The following TRABD2B variants were observed in gnomAD, a reference collection of about 807,000 sequenced individuals.
TRABD2B encodes the protein TraB domain containing 2B, also known as metalloprotease TIKI2.
Under a neutral mutation model 40.1 loss-of-function variants are expected in TRABD2B, and 14 were observed. That is an observed-to-expected ratio of 0.35 (90% CI 0.23 to 0.55). The LOEUF (loss-of-function observed/expected upper bound fraction) is 0.55. TRABD2B is among the 20% of genes least tolerant of loss of function. The pLI is 0.90. For synonymous variants in TRABD2B, 263 were observed against 277.0 expected (o/e 0.95, Z 0.50); for missense variants, 541 against 648.6 (o/e 0.83, Z 1.80).
chr1:47,994,011 G>A lies in TRABD2B; in HGVS notation c.666+23C>T, dbSNP rs1250797588. ...CCAGGTACCCAGGGCTGTCAGCTCC[G>A]GGCTGGGGCACTGCATGCCTACCTG... On this transcript the variant is annotated intron_variant, in intron 2 of 6. Transcript: ENST00000606738. This position sits in a 1 kb window ranked among gnomAD's most constrained non-coding sequence, Gnocchi z 6.7. 26 of 1,524,146 alleles carry A rather than the reference G, an allele frequency of 1.7e-5. No individual in the cohort carries two copies. Among genetic ancestry groups the A allele is most frequent in the African/African-American group, 2.7e-5 (2 of 72,848 alleles). The allele number at this position is 1,524,146 out of a possible 1,614,324, so 94.4% of individuals were successfully genotyped here.
At chr1:47,902,445 A>T (rs2124682499) in intron 2 of TRABD2B, among the ~76,000 whole-genome samples, 1 of 152,302 alleles carries the variant, frequency 6.6e-6, no homozygotes, top group South Asian at 2.1e-4. Context: ...TTTAGGATCC[A>T]CAGTGGCTCT....
chr1:47,844,280 G>A (rs74516421), intron 2 of TRABD2B, among the ~76,000 whole-genome samples: 2,424 of 152,256 alleles, frequency 0.016, 30 homozygotes, highest in Non-Finnish European at 0.023. Context: ...CACAAGAGTC[G>A]TGTGTGTCCA....
At chr1:47,769,890 G>A (rs1019121316) in intron 6 of TRABD2B, among the ~76,000 whole-genome samples, 16 of 152,140 alleles carry the variant, frequency 1.1e-4, no homozygotes, top group African/African-American at 2.9e-4. Context: ...AACAGGAACA[G>A]ACCCGTGGAC....
chr1:47,845,828 A>C (rs1222130065), intron 2 of TRABD2B, among the ~76,000 whole-genome samples: 1 of 152,232 alleles, frequency 6.6e-6, no homozygotes, highest in Admixed American at 6.5e-5. Flanking sequence ...GTCCTCATTG[A>C]ACTGTGGGCT....
rs1644236269 is a variant in TRABD2B, at chr1:47,760,805, A to G, written c.*5097T>C. 6.6e-6 allele frequency: 1 copy of G among 152,198 alleles called. No homozygotes were observed. Among genetic ancestry groups the G allele is most frequent in the Non-Finnish European group, 1.5e-5 (1 of 68,040 alleles). The allele number at this position is 152,198 out of a possible 1,614,324, so 9.4% of individuals were successfully genotyped here. A position where few individuals can be genotyped will look rare whatever the true frequency, so the allele number is the denominator to read the frequency against. On this transcript the variant is annotated 3_prime_UTR_variant, in exon 7 of 7. Transcript: ENST00000606738. ...GCTCTGGCTTCCTCTGTTCTGGGCT[A>G]GAGCCTCCTTTGGCTGAATCAGCCC...
intron 2 of TRABD2B, among the ~76,000 whole-genome samples, chr1:47,912,472 T>C (rs1410128485): frequency 6.6e-6 from 1 of 152,132 alleles, no homozygotes; most frequent in East Asian, 1.9e-4. Flanking sequence ...CGTCTTTTGG[T>C]TTTGGTTTGT....
At chr1:47,888,790 G>A (rs1039310632) in intron 2 of TRABD2B, among the ~76,000 whole-genome samples, 5 of 152,092 alleles carry the variant, frequency 3.3e-5, no homozygotes, top group East Asian at 1.9e-4. Context: ...CCCTTCCCAC[G>A]GACGCTGACT....
At chr1:47,781,267 C>A (rs1644517965) in intron 4 of TRABD2B, among the ~76,000 whole-genome samples, 1 of 152,240 alleles carries the variant, frequency 6.6e-6, no homozygotes, top group African/African-American at 2.4e-5. Context: ...GGCCTCCCAG[C>A]CCAACAGCGG....
chr1:47,863,375 T>TATATATATATATATATATATATATATAG (rs1229594168), intron 2 of TRABD2B, among the ~76,000 whole-genome samples: 1 of 103,708 alleles, frequency 9.6e-6, no homozygotes, highest in Non-Finnish European at 1.8e-5. Context: ...TATAATTTTA[T>TATATATATATATATATATATATATATAG]ATATATATAT....
chr1:47,888,864 G>A (rs1644407689), intron 2 of TRABD2B, among the ~76,000 whole-genome samples: 1 of 152,118 alleles, frequency 6.6e-6, no homozygotes, highest in Admixed American at 6.5e-5. Context: ...TGGCCCACTG[G>A]GAATACTCAC....
intron 6 of TRABD2B, among the ~76,000 whole-genome samples, chr1:47,768,038 G>A (rs1421406411): frequency 2.6e-5 from 4 of 152,204 alleles, no homozygotes; most frequent in Non-Finnish European, 5.9e-5. Context: ...TGGCTTGGGA[G>A]CAGGTGTCCA....
chr1:47,975,589 C>T (rs1645744336), intron 2 of TRABD2B, among the ~76,000 whole-genome samples: 1 of 152,100 alleles, frequency 6.6e-6, no homozygotes, highest in South Asian at 2.1e-4. Context: ...CAAATCTTGC[C>T]CTTTTTGAGG....
chr1:47,794,590 T>C lies in TRABD2B; in HGVS notation c.984A>G (p.Gly328=), dbSNP rs1390389477. 2 of 1,529,314 alleles carry C rather than the reference T, an allele frequency of 1.3e-6. No homozygotes were observed. The highest frequency in any genetic ancestry group is 1.8e-6 in the Non-Finnish European group (2 of 1,142,020). 94.7% of individuals were successfully genotyped at this position (1,529,314 alleles called of 1,614,324 possible). ...CTTCCCCACACTGGCCCAAACCTGC[T>C]CCGAAGGCAAAGAAGCAGATCTTGT... ...NEDKICFFAF[G]AGHFLGNNTV... is the part of the protein sequence containing the mutation. The change falls in exon 4 of 7, where the codon GGA becomes GGG. Residue 328 remains glycine, a synonymous_variant. Transcript: ENST00000606738.
chr1:47,800,008 ATTCC>A (rs10558762), intron 3 of TRABD2B, among the ~76,000 whole-genome samples: 101,671 of 150,850 alleles, frequency 0.67, 34,740 homozygotes, highest in East Asian at 0.97. Context: ...AAACTATTTC[ATTCC>A]TTCCTTCCTT....
intron 5 of TRABD2B, among the ~76,000 whole-genome samples, chr1:47,776,636 T>C (rs4927054): frequency 6.6e-6 from 1 of 152,174 alleles, no homozygotes; most frequent in Non-Finnish European, 1.5e-5. Flanking sequence ...ATAGAATTTG[T>C]TTTAGGGACA....
At chr1:47,908,448 C>T (rs1261545634) in intron 2 of TRABD2B, among the ~76,000 whole-genome samples, 1 of 152,194 alleles carries the variant, frequency 6.6e-6, no homozygotes, top group African/African-American at 2.4e-5. Flanking sequence ...TGGGCCTCAG[C>T]TTCCTCATCT....
chr1:47,766,717 G>T (rs1033998127), intron 6 of TRABD2B, among the ~76,000 whole-genome samples: 9 of 152,198 alleles, frequency 5.9e-5, no homozygotes, highest in Non-Finnish European at 1.2e-4. Flanking sequence ...TGGCGGGGAG[G>T]CTACCTGGTG....
intron 2 of TRABD2B, among the ~76,000 whole-genome samples, chr1:47,981,958 G>C (rs779116080): frequency 6.6e-6 from 1 of 152,208 alleles, no homozygotes. Flanking sequence ...ATCTAACCCA[G>C]GGCAGAGCTG....
chr1:47,935,501 A>C (rs1645095308), intron 2 of TRABD2B, among the ~76,000 whole-genome samples: 1 of 152,234 alleles, frequency 6.6e-6, no homozygotes, highest in Admixed American at 6.5e-5. Context: ...ACCACTGAGC[A>C]AACTTCACAT....
Sources: allele counts gnomAD v4.1 joint callset (sites outside exome capture counted in the v4.1 genomes callset), GRCh38; gene constraint gnomAD v4.1.1; non-coding constraint Gnocchi (gnomAD v3.1); transcripts MANE v1.5; gene names NCBI Gene and HGNC (gene_info 2026-07-23, HGNC 2026-07-21).